PPRC1: variants seen among roughly 807,000 people sequenced by gnomAD.
The protein encoded by PPRC1 is PPARG related coactivator 1.
A neutral mutation model predicts 132.5 loss-of-function variants in PPRC1; 23 were observed. The observed-to-expected ratio is 0.17, with a 90% CI of 0.12 to 0.25. The LOEUF (loss-of-function observed/expected upper bound fraction) is 0.25, where lower values mean the gene tolerates loss of function less well. Among genes scored for constraint, PPRC1 ranks in the 10% least tolerant of loss-of-function variants. The probability of loss-of-function intolerance (pLI) is 1.00; values close to 1 mark genes in which losing one functional copy is unlikely to be tolerated. For missense variants in PPRC1, 2,006 were observed against 2,089.1 expected (o/e 0.96, Z 0.78); for synonymous variants, 872 against 833.5 (o/e 1.05, Z -0.80).
upstream of PPRC1, among the ~76,000 whole-genome samples, chr10:102,128,338 C>G (rs2068494123): frequency 6.6e-6 from 1 of 152,012 alleles, no homozygotes; most frequent in South Asian, 2.1e-4. Context: ...CGGGGTTTCA[C>G]CATGTTGGCC....
intron 1 of PPRC1, among the ~76,000 whole-genome samples, chr10:102,133,831 C>T (rs2068617528): frequency 6.6e-6 from 1 of 151,782 alleles, no homozygotes; most frequent in Non-Finnish European, 1.5e-5. Context: ...GAGGCCCGGG[C>T]CGGGAAGGAA....
Position 102,147,403 on chromosome 10 carries a change from A to T in PPRC1, c.4400+11A>T, listed in dbSNP as rs755356500. The stretch of plus-strand genomic sequence containing the variant: ...CAAGAGGTGGCGAAGGTGAGCTTTG[A>T]TGGCCCTGTAGGTCCTCTCCATTTA... On this transcript the variant is annotated intron_variant, in intron 9 of 13. Transcript: ENST00000278070. 6.3e-7 allele frequency: 1 copy of T among 1,595,988 alleles called. No individual in the cohort carries two copies. The highest frequency in any genetic ancestry group is 1.1e-5 in the South Asian group (1 of 90,668).
chr10:102,142,793 C>T lies in PPRC1; in HGVS notation c.3497-252C>T, dbSNP rs545053233. On this transcript the variant is annotated intron_variant, in intron 5 of 13. Transcript: ENST00000278070. ...CTCCTGGGCTCAAGTGGTCCTCCCACCTCAGCCTTCCAAGTAGCTGGGATT... is the reference window on the plus strand; with the variant it reads ...CTCCTGGGCTCAAGTGGTCCTCCCATCTCAGCCTTCCAAGTAGCTGGGATT... 1.9e-4 allele frequency among the ~76,000 whole-genome samples: 29 copies of T among 152,314 alleles called. No individual in the cohort carries two copies. In the South Asian group the frequency reaches 5.8e-3, roughly 30 times the overall value.
In PPRC1 at chr10:102,138,697, G is replaced by A; in HGVS notation, c.421G>A (p.Glu141Lys). ...LTEILDNADS[E>K]NLSPFDSIPD... is the part of the protein sequence containing the mutation. ...GGAGATCTTGGACAATGCAGATTCT[G>A]AGAACCTTTCTCCATTTGACAGCAT... The change falls in exon 3 of 14, where the codon GAG (glutamate) becomes AAG (lysine). Residue 141 changes from glutamate (E) to lysine (K), a missense_variant. By Grantham distance (56) the Glu-to-Lys change is moderately conservative. This residue lies in a region of PPRC1 where 1,914 missense variants were observed against 1,917.2 expected (regional missense o/e 1.00). Coordinates refer to ENST00000278070, the MANE Select transcript of PPRC1 (RefSeq NM_015062.5). 2 of 1,614,216 alleles carry A rather than the reference G, an allele frequency of 1.2e-6. No individual in the cohort carries two copies. The highest frequency in any genetic ancestry group is 1.7e-6 in the Non-Finnish European group (2 of 1,180,018).
chr10:102,149,131 G>A, intron 12 of PPRC1, 47 bp from the exon 13 acceptor site: 1 of 1,541,418 alleles, frequency 6.5e-7, no homozygotes, highest in Non-Finnish European at 8.7e-7. Flanking sequence ...TCTATGGCAT[G>A]GGCCCATATA....
chr10:102,128,105 C>G (rs78624786), upstream of PPRC1, among the ~76,000 whole-genome samples: 6,291 of 152,016 alleles, frequency 0.041, 192 homozygotes, highest in Non-Finnish European at 0.061. Context: ...TGTTGGCCAG[C>G]CTCAGTTCTT....
At position 102,147,375 on chromosome 10, in the gene PPRC1, A is replaced by C; in HGVS notation, c.4383A>C (p.Pro1461=). Residue 1461 remains proline, a synonymous_variant, in exon 9 of 14, where the codon CCA becomes CCC. Coordinates refer to ENST00000278070, the MANE Select transcript of PPRC1 (RefSeq NM_015062.5). ...SRSRSRSLSP[P]HKRWRRSSCS... ...CTCGGTCCAGGTCCCTCTCCCCCCC[A>C]CACAAGAGGTGGCGAAGGTGAGCTT... 6.2e-7 allele frequency: 1 copy of C among 1,603,770 alleles called. No individual in the cohort carries two copies. The highest frequency in any genetic ancestry group is 8.5e-7 in the Non-Finnish European group (1 of 1,176,710).
intron 8 of PPRC1, among the ~76,000 whole-genome samples, chr10:102,145,781 CG>C (rs1321002689): frequency 6.6e-6 from 1 of 151,994 alleles, no homozygotes; most frequent in Non-Finnish European, 1.5e-5. Flanking sequence ...AGGAGAATAG[CG>C]TGAACCCAGG....
At chr10:102,124,808 A>C in the PPRC1 span, among the ~76,000 whole-genome samples, 2 of 151,768 alleles carry the variant, frequency 1.3e-5, no homozygotes, top group Admixed American at 1.3e-4. Flanking sequence ...GTGTCCAACT[A>C]ACTTTTTTAT....
the PPRC1 span, among the ~76,000 whole-genome samples, chr10:102,127,772 G>C: frequency 6.6e-6 from 1 of 151,516 alleles, no homozygotes; most frequent in Non-Finnish European, 1.5e-5. Context: ...AACTGGTCAT[G>C]AACTCCTGAG....
chr10:102,136,095 T>C (rs984698202), intron 1 of PPRC1, among the ~76,000 whole-genome samples: 2 of 152,060 alleles, frequency 1.3e-5, no homozygotes, highest in African/African-American at 4.8e-5. Flanking sequence ...GCAAATGGAG[T>C]TGCAGCCTCT....
chr10:102,127,260 G>A, the PPRC1 span, among the ~76,000 whole-genome samples: 14 of 151,298 alleles, frequency 9.3e-5, no homozygotes, highest in Non-Finnish European at 1.6e-4. Context: ...CTGTAATCCC[G>A]GCTACTCAGG....
chr10:102,148,929 G>A lies in PPRC1; in HGVS notation c.4730G>A (p.Arg1577His). Residue 1577 changes from arginine (R) to histidine (H), a missense_variant, in exon 12 of 14, where the codon CGT (arginine) becomes CAT (histidine). Coordinates refer to ENST00000278070, the MANE Select transcript of PPRC1 (RefSeq NM_015062.5). The surrounding 1 kb of genome is among the most constrained non-coding windows in gnomAD (Gnocchi z 4.2). ...GEIEECTIHF[R>H]VQGDNYGFVT... ...ATTGAGGAGTGCACCATCCACTTCC[G>A]TGTCCAAGGGTAAGCTTGGGCCCCA... The A allele has an allele frequency of 6.2e-7, 1 of 1,614,028 alleles. No individual in the cohort carries two copies. Among genetic ancestry groups the A allele is most frequent in the South Asian group, 1.1e-5 (1 of 91,066 alleles).
chr10:102,134,039 T>G (rs1222883088), intron 1 of PPRC1, among the ~76,000 whole-genome samples: 1 of 151,954 alleles, frequency 6.6e-6, no homozygotes, highest in Non-Finnish European at 1.5e-5. Flanking sequence ...AGTGAGTTTG[T>G]GGCGCTTCCG....
chr10:102,128,328 C>T (rs568911540), upstream of PPRC1, among the ~76,000 whole-genome samples: 8 of 152,020 alleles, frequency 5.3e-5, no homozygotes, highest in East Asian at 3.9e-4. Context: ...TTAGTAGAGA[C>T]GGGGTTTCAC....
In PPRC1 at chr10:102,141,686, G is replaced by A. The variant is rs551182900; in HGVS notation, c.3178G>A (p.Val1060Met). The change falls in exon 5 of 14, where the codon GTG becomes ATG. Residue 1060 changes from valine (V) to methionine (M), a missense_variant. Val to Met is a conservative substitution (Grantham distance 21). This residue lies in a region of PPRC1 where 1,914 missense variants were observed against 1,917.2 expected (regional missense o/e 1.00). Coordinates refer to ENST00000278070, the MANE Select transcript of PPRC1 (RefSeq NM_015062.5). ...GCCTACCAAGGTGGAGGTCAAGCCAGTGCCTGCATCTCCCCATCCGAAACA... is the reference window on the plus strand; with the variant it reads ...GCCTACCAAGGTGGAGGTCAAGCCAATGCCTGCATCTCCCCATCCGAAACA... The part of the protein sequence containing the change: ...TEPTKVEVKP[V>M]PASPHPKHKV... The A allele has an allele frequency of 6.8e-6, 11 of 1,614,110 alleles. No individual in the cohort carries two copies. In the South Asian group the frequency reaches 7.7e-5, roughly 11 times the overall value.
intron 13 of PPRC1, 102 bp downstream of exon 13, chr10:102,149,431 A>T: frequency 7.5e-7 from 1 of 1,335,984 alleles, no homozygotes; most frequent in African/African-American, 1.5e-5. Context: ...CCTTAGTTTG[A>T]CATACAAAGA....
chr10:102,137,999 C>T lies in PPRC1; in HGVS notation c.303C>T (p.Ser101=). 1 of 1,613,904 alleles carries T rather than the reference C, an allele frequency of 6.2e-7. No homozygotes were observed. The highest frequency in any genetic ancestry group is 1.7e-5 in the Admixed American group (1 of 59,972). ...LGTMQSYMDA[S]LISLIEDFGS... is the part of the protein sequence containing the mutation. ...CCATGCAGAGCTACATGGATGCCTCCCTTATCTCCCTCATTGAGGATTTTG... is the reference window on the plus strand; with the variant it reads ...CCATGCAGAGCTACATGGATGCCTCTCTTATCTCCCTCATTGAGGATTTTG... The change falls in exon 2 of 14, where the codon TCC becomes TCT. Residue 101 remains serine (S), a synonymous_variant. Transcript: ENST00000278070.
chr10:102,147,504 T>G (rs2069316489), intron 9 of PPRC1, 112 bp downstream of exon 9: 1 of 1,362,560 alleles, frequency 7.3e-7, no homozygotes, highest in Non-Finnish European at 9.9e-7. Context: ...CGCTAAGGCT[T>G]CTATTTCTGA....
Sources: gnomAD v4.1 joint callset for allele counts (sites outside exome capture counted in the v4.1 genomes callset) on GRCh38, gnomAD v4.1.1 for gene constraint, gnomAD v4.1.1 regional missense constraint, Gnocchi (gnomAD v3.1) non-coding constraint, MANE v1.5 for transcripts, NCBI Gene and HGNC (gene_info 2026-07-23, HGNC 2026-07-21) for gene names.